FMNL2: variants seen among roughly 807,000 people sequenced by gnomAD.
FMNL2 encodes formin-like protein 2.
In FMNL2, 51 loss-of-function variants were observed where a neutral mutation model predicts 130.2. The observed-to-expected ratio is 0.39, with a 90% CI of 0.31 to 0.49. The LOEUF is 0.49. Among genes scored for constraint, FMNL2 ranks in the 20% least tolerant of loss-of-function variants. The pLI, the probability that FMNL2 is intolerant of heterozygous loss-of-function variation, is 0.85. For synonymous variants in FMNL2, 465 were observed against 467.1 expected (o/e 1.00, Z 0.06); for missense variants, 977 against 1,316.2 (o/e 0.74, Z 3.99).
intron 1 of FMNL2, among the ~76,000 whole-genome samples, chr2:152,350,837 G>T (rs1682436881): frequency 6.6e-6 from 1 of 152,172 alleles, no homozygotes; most frequent in Non-Finnish European, 1.5e-5. Context: ...TTGAGGTCAG[G>T]ACTTCGAGAC....
chr2:152,621,570 A>T (rs1205332810), intron 15 of FMNL2, among the ~76,000 whole-genome samples: 1 of 152,186 alleles, frequency 6.6e-6, no homozygotes, highest in Non-Finnish European at 1.5e-5. Flanking sequence ...GTAGGTGGGA[A>T]TACAGGAACT....
At chr2:152,642,026 T>C (rs1475345727) in intron 25 of FMNL2, among the ~76,000 whole-genome samples, 1 of 152,018 alleles carries the variant, frequency 6.6e-6, no homozygotes, top group Non-Finnish European at 1.5e-5. Context: ...CTGCAAGCTT[T>C]GCCTCCTGGG....
At chr2:152,625,405 G>C (rs1681713504) in intron 15 of FMNL2, 33 bp from the exon 16 acceptor site, 1 of 1,585,194 alleles carries the variant, frequency 6.3e-7, no homozygotes, top group African/African-American at 1.3e-5. Flanking sequence ...GCTTTTGGTG[G>C]GATCTTAATT....
intron 4 of FMNL2, among the ~76,000 whole-genome samples, chr2:152,556,972 A>G (rs918580592): frequency 3.9e-5 from 6 of 152,182 alleles, no homozygotes; most frequent in East Asian, 1.9e-4. Context: ...TAGGCCACCA[A>G]TGGAAAAGCC....
chr2:152,365,339 G>C (rs944592344), intron 1 of FMNL2, among the ~76,000 whole-genome samples: 9 of 152,128 alleles, frequency 5.9e-5, no homozygotes, highest in Non-Finnish European at 1.2e-4. Context: ...TTGAAAGACT[G>C]CATATAGTTG....
chr2:152,394,484 C>T (rs1685286365), intron 1 of FMNL2, among the ~76,000 whole-genome samples: 1 of 152,074 alleles, frequency 6.6e-6, no homozygotes, highest in Non-Finnish European at 1.5e-5. Flanking sequence ...TGGTACCAAA[C>T]TGTGACATGA....
At chr2:152,637,986 C>A (rs754189417) in intron 23 of FMNL2, among the ~76,000 whole-genome samples, 7 of 152,328 alleles carry the variant, frequency 4.6e-5, no homozygotes, top group Admixed American at 3.3e-4. Context: ...ACTTGAAAAT[C>A]CAGGCCTCTT....
intron 7 of FMNL2, among the ~76,000 whole-genome samples, chr2:152,577,065 G>A (rs1696517646): frequency 6.6e-6 from 1 of 152,190 alleles, no homozygotes; most frequent in African/African-American, 2.4e-5. Flanking sequence ...ATCTTGGCCA[G>A]GCAAAGGCAA....
At chr2:152,635,998 A>G (rs1466665936) in intron 21 of FMNL2, among the ~76,000 whole-genome samples, 6 of 152,178 alleles carry the variant, frequency 3.9e-5, no homozygotes, top group African/African-American at 1.4e-4. Flanking sequence ...TGTCTCTAAA[A>G]CACACAAAAC....
At chr2:152,449,550 A>G (rs1187203312) in intron 1 of FMNL2, among the ~76,000 whole-genome samples, 1 of 152,138 alleles carries the variant, frequency 6.6e-6, no homozygotes, top group Admixed American at 6.5e-5. Context: ...GAGAGGTTTA[A>G]AATTACATGC....
At chr2:152,518,225 C>A (rs1692885300) in intron 1 of FMNL2, among the ~76,000 whole-genome samples, 1 of 152,116 alleles carries the variant, frequency 6.6e-6, no homozygotes, top group Admixed American at 6.5e-5. Flanking sequence ...TGTAGAGTGT[C>A]TGATTTTAAA....
intron 20 of FMNL2, 88 bp from the exon 21 acceptor site, chr2:152,631,920 G>T: frequency 1.4e-6 from 2 of 1,425,420 alleles, no homozygotes; most frequent in Non-Finnish European, 1.9e-6. Flanking sequence ...CTCAGTTAAT[G>T]ACTCTGGGTG....
intron 8 of FMNL2, among the ~76,000 whole-genome samples, chr2:152,579,392 C>T (rs1696650425): frequency 6.6e-6 from 1 of 152,144 alleles, no homozygotes; most frequent in Non-Finnish European, 1.5e-5. Context: ...AATTACTGAA[C>T]GAAAATAGAA....
chr2:152,588,794 C>T (rs751392), intron 9 of FMNL2, among the ~76,000 whole-genome samples: 2,770 of 152,176 alleles, frequency 0.018, 92 homozygotes, highest in Admixed American at 0.086. Flanking sequence ...CCAGGCTCTT[C>T]ATAGTGCCAC....
intron 1 of FMNL2, among the ~76,000 whole-genome samples, chr2:152,464,017 CT>C (rs1689390330): frequency 6.6e-6 from 1 of 152,236 alleles, no homozygotes. Flanking sequence ...ACTGCAACCT[CT>C]GACTCGCAGG....
intron 1 of FMNL2, among the ~76,000 whole-genome samples, chr2:152,514,039 G>A (rs1186901229): frequency 2.0e-5 from 3 of 152,124 alleles, no homozygotes; most frequent in Non-Finnish European, 2.9e-5. Flanking sequence ...ATGGATTTTA[G>A]GTGAGGGGAA....
Position 152,548,904 on chromosome 2 carries a change from G to A in FMNL2, c.283-117G>A. The A allele has an allele frequency of 5.0e-6, 4 of 802,362 alleles. No individual in the cohort carries two copies. The South Asian group carries it at 9.1e-5, about 18-fold the overall frequency. 49.7% of individuals were successfully genotyped at this position (802,362 alleles called of 1,614,324 possible). A position where few individuals can be genotyped will look rare whatever the true frequency, so the allele number is the denominator to read the frequency against. On this transcript the variant is annotated intron_variant, in intron 3 of 25. Coordinates refer to ENST00000288670, the MANE Select transcript of FMNL2 (RefSeq NM_052905.4). ...TGTGCTCTGCAACAAAAAAAGTGAGGGAAGCCCATTTTAGAAGTGAAGATA... is the reference window on the plus strand; with the variant it reads ...TGTGCTCTGCAACAAAAAAAGTGAGAGAAGCCCATTTTAGAAGTGAAGATA...
intron 25 of FMNL2, among the ~76,000 whole-genome samples, chr2:152,644,487 G>A (rs546430106): frequency 1.3e-5 from 2 of 152,276 alleles, no homozygotes; most frequent in South Asian, 2.1e-4. Flanking sequence ...AACACAGGGA[G>A]CCCTTTTAAC....
intron 6 of FMNL2, among the ~76,000 whole-genome samples, chr2:152,562,421 C>A (rs1192894554): frequency 6.6e-6 from 1 of 152,102 alleles, no homozygotes; most frequent in Non-Finnish European, 1.5e-5. Context: ...GCTTTCAGAC[C>A]TTTGGATTTG....
Sources: allele counts gnomAD v4.1 joint callset (sites outside exome capture counted in the v4.1 genomes callset), GRCh38; gene constraint gnomAD v4.1.1; transcripts MANE v1.5; gene names NCBI Gene and HGNC (gene_info 2026-07-23, HGNC 2026-07-21).